The following NAA16 variants were observed in gnomAD, a reference collection of about 807,000 sequenced individuals.
NAA16 encodes the protein NARG1-like protein.
A neutral mutation model predicts 110.3 loss-of-function variants in NAA16; 97 were observed. That is an observed-to-expected ratio of 0.88 (90% CI 0.75 to 1.04). NAA16 has a LOEUF of 1.04. Among genes scored for constraint, NAA16 ranks in the 50% least tolerant of loss-of-function variants. NAA16 has a pLI of 0.00. For missense variants in NAA16, 1,017 were observed against 1,005.1 expected (o/e 1.01, Z -0.16); for synonymous variants, 372 against 330.6 (o/e 1.13, Z -1.36).
chr13:41,315,916 T>G (rs1222737785), intron 1 of NAA16, among the ~76,000 whole-genome samples: 3 of 152,100 alleles, frequency 2.0e-5, no homozygotes, highest in African/African-American at 7.2e-5. Context: ...ACCACAGATG[T>G]GCACCACCAC....
intron 15 of NAA16, among the ~76,000 whole-genome samples, chr13:41,371,283 TTTTTGAC>T (rs2043311733): frequency 6.6e-6 from 1 of 152,186 alleles, no homozygotes; most frequent in Admixed American, 6.5e-5. Flanking sequence ...TCAAGACTGT[TTTTTGAC>T]TTTTATGACA....
At position 41,376,759 on chromosome 13, in the gene NAA16, A is replaced by G. The variant is rs1322505911; in HGVS notation, c.*1157A>G. On this transcript the variant is annotated 3_prime_UTR_variant, in exon 20 of 20. Transcript: ENST00000379406. ...TTAAAACATAGTGTTGTTAAACAGT[A>G]TTTTTTGGGGGCGGGTGGATAGCTT... 6.6e-6 allele frequency: 1 copy of G among 152,192 alleles called. No individual in the cohort carries two copies. Among genetic ancestry groups the G allele is most frequent in the Non-Finnish European group, 1.5e-5 (1 of 68,030 alleles). 9.4% of individuals were successfully genotyped at this position (152,192 alleles called of 1,614,324 possible). A position where few individuals can be genotyped will look rare whatever the true frequency, so the allele number is the denominator to read the frequency against.
Position 41,320,731 on chromosome 13 carries a change from C to T in NAA16, c.309C>T (p.Tyr103=), listed in dbSNP as rs118100582. 3.1e-3 allele frequency: 4,973 copies of T among 1,613,256 alleles called. 22 individuals are homozygous for T. The highest frequency in any genetic ancestry group is 9.5e-3 in the South Asian group (861 of 90,904). The part of the protein sequence containing the change: ...DKKYDEAIKC[Y]RNALKLDKDN... ...AATATGATGAAGCTATAAAATGTTA[C>T]CGAAATGCCCTCAAATTAGATAAAG... The change falls in exon 4 of 20, where the codon TAC becomes TAT. Residue 103 remains tyrosine (Y), a synonymous_variant. Transcript: ENST00000379406.
chr13:41,322,910 A>G, intron 4 of NAA16, 146 bp from the exon 5 acceptor site: 1 of 761,278 alleles, frequency 1.3e-6, no homozygotes, highest in Non-Finnish European at 2.2e-6. Context: ...TTTAGGTAGG[A>G]AACATAAAAA....
chr13:41,342,270 T>G (rs1458097273), intron 9 of NAA16, among the ~76,000 whole-genome samples: 1 of 152,072 alleles, frequency 6.6e-6, no homozygotes, highest in African/African-American at 2.4e-5. Context: ...CCCGAGTAGC[T>G]GGGACTACAG....
chr13:41,341,229 T>C (rs1371080673), intron 9 of NAA16, among the ~76,000 whole-genome samples: 1 of 152,184 alleles, frequency 6.6e-6, no homozygotes, highest in Non-Finnish European at 1.5e-5. Context: ...GTATATAGCA[T>C]AGAGATTTCA....
intron 15 of NAA16, among the ~76,000 whole-genome samples, chr13:41,370,399 A>G (rs1259700192): frequency 6.6e-6 from 1 of 152,200 alleles, no homozygotes; most frequent in Non-Finnish European, 1.5e-5. Context: ...ATTAGTAAGG[A>G]AAATAAGCGA....
intron 9 of NAA16, among the ~76,000 whole-genome samples, chr13:41,354,245 A>G (rs1327456288): frequency 6.6e-6 from 1 of 152,238 alleles, no homozygotes; most frequent in African/African-American, 2.4e-5. Flanking sequence ...ACTAGTGTCT[A>G]GGATGATCAG....
chr13:41,343,690 C>T (rs1332968028), intron 9 of NAA16, among the ~76,000 whole-genome samples: 5 of 152,100 alleles, frequency 3.3e-5, no homozygotes, highest in Admixed American at 1.3e-4. Flanking sequence ...CCGCCACACC[C>T]GGCTAATTTT....
rs73457523 is a variant in NAA16 at position 41,328,528 on chromosome 13, A to G, written c.692-196A>G. ...TTGTTTGGAGTGTAAGAGGGAGCCA[A>G]AAATAAAGGTACAAATGAAGGTTCA... On this transcript the variant is annotated intron_variant, in intron 6 of 19. Coordinates refer to ENST00000379406, the MANE Select transcript of NAA16 (RefSeq NM_024561.5). 6.3e-3 allele frequency among the ~76,000 whole-genome samples: 966 copies of G among 152,248 alleles called. 9 individuals are homozygous for G. Among genetic ancestry groups the G allele is most frequent in the African/African-American group, 0.022 (924 of 41,570 alleles).
At chr13:41,322,308 A>G (rs924974927) in intron 4 of NAA16, among the ~76,000 whole-genome samples, 1 of 152,142 alleles carries the variant, frequency 6.6e-6, no homozygotes, top group East Asian at 1.9e-4. Context: ...AGTGTCATCA[A>G]ATGATAGTGT....
chr13:41,355,004 C>A, intron 9 of NAA16, 140 bp from the exon 10 acceptor site: 1 of 474,204 alleles, frequency 2.1e-6, no homozygotes, highest in Non-Finnish European at 3.6e-6. Flanking sequence ...GGAATGGGGA[C>A]AAAGCAGATA....
rs371914943 is a variant in NAA16, at chr13:41,323,752, T to C, written c.537+562T>C. Among the ~76,000 whole-genome samples the C allele has an allele frequency of 4.0e-4, 61 of 152,200 alleles. 1 individual carries two copies. In the East Asian group the frequency reaches 9.3e-3, roughly 23 times the overall value. ...ATCCTGCCTCGTCTTCCTAAAGTGC[T>C]GGGATTACAGGCATGAGCCACCACG... On this transcript the variant is annotated intron_variant, in intron 5 of 19. Coordinates refer to ENST00000379406, the MANE Select transcript of NAA16 (RefSeq NM_024561.5).
At chr13:41,315,660 TTGTG>T (rs149988979) in intron 1 of NAA16, among the ~76,000 whole-genome samples, 1 of 151,736 alleles carries the variant, frequency 6.6e-6, no homozygotes, top group Admixed American at 6.6e-5. Context: ...GTGGTAGTAT[TTGTG>T]TGTGTGTGTG....
chr13:41,333,621 G>A (rs573526985), intron 8 of NAA16, among the ~76,000 whole-genome samples: 24 of 152,072 alleles, frequency 1.6e-4, no homozygotes, highest in Admixed American at 5.9e-4. Flanking sequence ...ATTTCCTTAG[G>A]AGCTTTAAAA....
chr13:41,318,188 C>G (rs1593407566), intron 2 of NAA16, among the ~76,000 whole-genome samples: 1 of 151,290 alleles, frequency 6.6e-6, no homozygotes, highest in African/African-American at 2.4e-5. Flanking sequence ...TCCATTAAGA[C>G]TCATGTCTGC....
chr13:41,367,405 T>C, intron 13 of NAA16, 34 bp from the exon 14 acceptor site: 2 of 1,456,556 alleles, frequency 1.4e-6, no homozygotes, highest in Admixed American at 3.6e-5. Context: ...TTGACATAAA[T>C]GTAAAGGTTA....
At position 41,311,574 on chromosome 13, in the gene NAA16, CG is replaced by C; in HGVS notation, c.47del (p.Arg16ProfsTer3). The C allele has an allele frequency of 6.2e-7, 1 of 1,608,258 alleles. No homozygotes were observed. Among genetic ancestry groups the C allele is most frequent in the South Asian group, 1.1e-5 (1 of 90,030 alleles). On this transcript the variant is annotated frameshift_variant, in exon 1 of 20. Coordinates refer to ENST00000379406, the MANE Select transcript of NAA16 (RefSeq NM_024561.5). LOFTEE classifies it high-confidence loss of function. The stretch of plus-strand genomic sequence containing the variant: ...GCCCAAGGAGAGCAACCTCTTCAAA[CG>C]CATCTTGGTGAGTGGCCGTAGGCCG... ...LPPKESNLFKRILKCYEQKQY... is the reference protein window; with the variant it reads ...LPPKESNLFKXILKCYEQKQY...
intron 6 of NAA16, 68 bp downstream of exon 6, chr13:41,325,919 C>A: frequency 7.7e-7 from 1 of 1,301,548 alleles, no homozygotes; most frequent in Non-Finnish European, 1.0e-6. Context: ...TTTATTCTCT[C>A]CTAAGTCTTA....
Sources: allele counts gnomAD v4.1 joint callset (sites outside exome capture counted in the v4.1 genomes callset), GRCh38; gene constraint gnomAD v4.1.1; transcripts MANE v1.5; gene names NCBI Gene and HGNC (gene_info 2026-07-23, HGNC 2026-07-21).